The following VTCN1 variants were observed in gnomAD, a reference collection of about 807,000 sequenced individuals.
VTCN1 encodes V-set domain containing T cell activation inhibitor 1, also known as V-set domain-containing T-cell activation inhibitor 1.
In VTCN1, 26 loss-of-function variants were observed where a neutral mutation model predicts 26.5. The ratio of observed to expected loss-of-function variants is 0.98; its 90% CI spans 0.72 to 1.36. VTCN1 has a LOEUF of 1.36. Among genes scored for constraint, VTCN1 ranks in the 40% most tolerant of loss-of-function variants. VTCN1 has a pLI of 0.00. For missense variants in VTCN1, 298 were observed against 337.7 expected, an observed-to-expected ratio of 0.88 and a Z score of 0.92; for synonymous variants, 116 against 130.7, an observed-to-expected ratio of 0.89 and a Z score of 0.77.
intron 1 of VTCN1, among the ~76,000 whole-genome samples, chr1:117,189,503 G>C (rs767272541): frequency 1.3e-5 from 2 of 152,196 alleles, no homozygotes; most frequent in Non-Finnish European, 2.9e-5. Context: ...TCAGGAACAA[G>C]AGGAACAGAT....
chr1:117,168,466 T>C lies in VTCN1; in HGVS notation c.97+1641A>G, dbSNP rs181086837. Among the ~76,000 whole-genome samples the C allele has an allele frequency of 4.5e-3, 688 of 152,328 alleles. 7 individuals carry two copies. Among genetic ancestry groups the C allele is most frequent in the Non-Finnish European group, 7.2e-3 (491 of 68,024 alleles). On this transcript the variant is annotated intron_variant, in intron 2 of 5. Transcript: ENST00000369458. Reference sequence around the variant, plus strand: ...ACAAAACAATAAAGCTTCTACAAGATAATCTAGAAGAACATCTTCACGACC... The same window carrying C: ...ACAAAACAATAAAGCTTCTACAAGACAATCTAGAAGAACATCTTCACGACC...
chr1:117,210,435 C>T lies in VTCN1; in HGVS notation c.32+389G>A, dbSNP rs181783971. On this transcript the variant is annotated intron_variant, in intron 1 of 5. Transcript: ENST00000369458. ...TCCTCCTGCATCCCCTCCACTGTCG[C>T]AGTCATGGATTCCCTGCCATCCCAC... Among the ~76,000 whole-genome samples, 278 of 152,320 alleles carry T rather than the reference C, an allele frequency of 1.8e-3. 1 individual carries two copies. The highest frequency in any genetic ancestry group is 6.1e-3 in the African/African-American group (255 of 41,562).
chr1:117,207,128 G>C (rs186610691), intron 1 of VTCN1, among the ~76,000 whole-genome samples: 1 of 152,280 alleles, frequency 6.6e-6, no homozygotes, highest in Non-Finnish European at 1.5e-5. Flanking sequence ...GCACCAGCTT[G>C]CAAACTTAGG....
intron 1 of VTCN1, among the ~76,000 whole-genome samples, chr1:117,198,734 G>A (rs971102791): frequency 3.3e-5 from 5 of 152,022 alleles, no homozygotes; most frequent in South Asian, 2.1e-4. Context: ...ACAATGAGAC[G>A]GCAGTCAAAA....
chr1:117,180,118 T>C (rs1647598775), intron 1 of VTCN1, among the ~76,000 whole-genome samples: 1 of 151,504 alleles, frequency 6.6e-6, no homozygotes, highest in Non-Finnish European at 1.5e-5. Flanking sequence ...AAAATTTCTC[T>C]CCCCCCCAGG....
At chr1:117,208,704 C>T (rs1437155275) in intron 1 of VTCN1, among the ~76,000 whole-genome samples, 1 of 152,152 alleles carries the variant, frequency 6.6e-6, no homozygotes, top group East Asian at 1.9e-4. Flanking sequence ...GAGGAGGGTT[C>T]TAGTCACACA....
At chr1:117,181,147 T>A (rs1441240105) in intron 1 of VTCN1, among the ~76,000 whole-genome samples, 1 of 151,842 alleles carries the variant, frequency 6.6e-6, no homozygotes, top group Non-Finnish European at 1.5e-5. Context: ...CTAGGAGTGG[T>A]GGTTCATGCC....
rs762270858 is a variant in VTCN1, at chr1:117,170,154, A to G, written c.50T>C (p.Ile17Thr). 1 of 1,613,842 alleles carries G rather than the reference A, an allele frequency of 6.2e-7. No homozygotes were observed. The highest frequency in any genetic ancestry group is 2.2e-5 in the East Asian group (1 of 44,886). ...GAGTGCAATTGCTCCAGCCAGAATA[A>G]TGATGATGCTAATTATGCTACGGGA... ...ILFWSIISII[I>T]ILAGAIALII... Residue 17 changes from isoleucine (I) to threonine (T), a missense_variant, in exon 2 of 6, where the codon ATT becomes ACT. Coordinates refer to ENST00000369458, the MANE Select transcript of VTCN1 (RefSeq NM_024626.4).
intron 1 of VTCN1, among the ~76,000 whole-genome samples, chr1:117,170,980 G>A (rs1652883415): frequency 6.6e-6 from 1 of 152,010 alleles, no homozygotes; most frequent in South Asian, 2.1e-4. Context: ...TGCATTATTT[G>A]TCCTAATGCC....
In VTCN1 at chr1:117,159,470, TC is replaced by T. The variant is rs1557863038; in HGVS notation, c.98-2550del. ...AACCACCCCCATGATTCAAATGATC[TC>T]CCACCAGGTCCCTCCCACAACACAT... is the stretch of plus-strand genomic sequence containing the variant. On this transcript the variant is annotated intron_variant, in intron 2 of 5. Transcript: ENST00000369458. The surrounding 1 kb of genome is among the most constrained non-coding windows in gnomAD (Gnocchi z 4.7). Among the ~76,000 whole-genome samples the T allele has an allele frequency of 6.6e-6, 1 of 152,198 alleles. No individual in the cohort carries two copies. The highest frequency in any genetic ancestry group is 1.5e-5 in the Non-Finnish European group (1 of 68,034).
chr1:117,206,667 T>TGTATTC (rs1649087542), intron 1 of VTCN1, among the ~76,000 whole-genome samples: 2 of 152,082 alleles, frequency 1.3e-5, no homozygotes, highest in Non-Finnish European at 2.9e-5. Context: ...CAGATATTCA[T>TGTATTC]ATCTGTTGAT....
chr1:117,185,407 T>C (rs1388110352), intron 1 of VTCN1, among the ~76,000 whole-genome samples: 1 of 152,156 alleles, frequency 6.6e-6, no homozygotes, highest in African/African-American at 2.4e-5. Context: ...AAAATATACC[T>C]AGGCTGGGGA....
chr1:117,146,140 GC>G lies in VTCN1; in HGVS notation c.*46-916del. On this transcript the variant is annotated intron_variant, in intron 5 of 5. Coordinates refer to ENST00000369458, the MANE Select transcript of VTCN1 (RefSeq NM_024626.4). This position sits in a 1 kb window ranked among gnomAD's most constrained non-coding sequence, Gnocchi z 4.2. ...GGGAATACAAGGTAAAGATGAGTCA[GC>G]TATGTTATATAGGACATATTATTTA... Among the ~76,000 whole-genome samples, 1 of 152,186 alleles carries G rather than the reference GC, an allele frequency of 6.6e-6. No homozygotes were observed. Among genetic ancestry groups the G allele is most frequent in the Non-Finnish European group, 1.5e-5 (1 of 68,044 alleles).
chr1:117,182,764 C>A (rs988792571), intron 1 of VTCN1, among the ~76,000 whole-genome samples: 3 of 152,170 alleles, frequency 2.0e-5, no homozygotes, highest in African/African-American at 7.2e-5. Flanking sequence ...TTGGTCTTTT[C>A]TCTCTGGTCC....
chr1:117,156,100 T>A (rs965507423), intron 3 of VTCN1, among the ~76,000 whole-genome samples: 11 of 152,216 alleles, frequency 7.2e-5, no homozygotes, highest in Admixed American at 6.5e-4. Flanking sequence ...AGGGTGGATT[T>A]CATTGTTGCA....
chr1:117,153,527 G>A (rs565154311), intron 3 of VTCN1, among the ~76,000 whole-genome samples, 158 bp from the exon 4 acceptor site: 1 of 149,714 alleles, frequency 6.7e-6, no homozygotes, highest in Non-Finnish European at 1.5e-5. Flanking sequence ...CCTGTGTATA[G>A]CCCATTGTAT....
chr1:117,155,366 G>T lies in VTCN1; in HGVS notation c.445+1208C>A, dbSNP rs1652018958. ...ATATACCCTGAGTGGGATAGGGAAG[G>T]TTTCAAGCTCCACTTTTTGGAGGGA... On this transcript the variant is annotated intron_variant, in intron 3 of 5. Coordinates refer to ENST00000369458, the MANE Select transcript of VTCN1 (RefSeq NM_024626.4). The surrounding 1 kb of genome is among the most constrained non-coding windows in gnomAD (Gnocchi z 4.8). Among the ~76,000 whole-genome samples, 1 of 152,156 alleles carries T rather than the reference G, an allele frequency of 6.6e-6. No homozygotes were observed. Among genetic ancestry groups the T allele is most frequent in the African/African-American group, 2.4e-5 (1 of 41,418 alleles).
chr1:117,198,018 T>G (rs1409310059), intron 1 of VTCN1, among the ~76,000 whole-genome samples: 1 of 152,208 alleles, frequency 6.6e-6, no homozygotes, highest in African/African-American at 2.4e-5. Flanking sequence ...GTACACTCAC[T>G]CTGGGCACTG....
At chr1:117,193,626 G>A (rs985172659) in intron 1 of VTCN1, among the ~76,000 whole-genome samples, 2 of 152,068 alleles carry the variant, frequency 1.3e-5, no homozygotes, top group Non-Finnish European at 2.9e-5. Context: ...ACTGAAGGGA[G>A]AAAAGACAGC....
Sources: gnomAD v4.1 joint callset for allele counts (sites outside exome capture counted in the v4.1 genomes callset) on GRCh38, gnomAD v4.1.1 for gene constraint, Gnocchi (gnomAD v3.1) non-coding constraint, MANE v1.5 for transcripts, NCBI Gene and HGNC (gene_info 2026-07-23, HGNC 2026-07-21) for gene names.